PPFIA2: variants seen among roughly 807,000 people sequenced by gnomAD.
PPFIA2 encodes liprin-alpha-2.
A neutral mutation model predicts 175.5 loss-of-function variants in PPFIA2; 46 were observed. That is an observed-to-expected ratio of 0.26 (90% CI 0.21 to 0.34). The LOEUF (loss-of-function observed/expected upper bound fraction) is 0.34, where lower values mean the gene tolerates loss of function less well. Ranked by LOEUF, PPFIA2 falls within the 10% of genes least tolerant of loss-of-function variation. PPFIA2 has a pLI of 1.00. For missense variants in PPFIA2, 1,179 were observed against 1,506.1 expected (o/e 0.78, Z 3.60); for synonymous variants, 568 against 511.4 (o/e 1.11, Z -1.49).
chr12:81,718,529 T>C (rs1007465784), intron 3 of PPFIA2, among the ~76,000 whole-genome samples: 2 of 151,562 alleles, frequency 1.3e-5, no homozygotes, highest in Non-Finnish European at 3.0e-5. Flanking sequence ...AAGCACCAAG[T>C]GCTACAAGTA....
chr12:81,409,563 G>T (rs764706094), intron 7 of PPFIA2, among the ~76,000 whole-genome samples: 2 of 152,018 alleles, frequency 1.3e-5, no homozygotes, highest in Non-Finnish European at 2.9e-5. Context: ...ATGGGATAAG[G>T]CATCATAAAA....
intron 4 of PPFIA2, among the ~76,000 whole-genome samples, chr12:81,602,713 G>A (rs2059917188): frequency 6.6e-6 from 1 of 151,686 alleles, no homozygotes; most frequent in African/African-American, 2.4e-5. Context: ...TTGAGACCCT[G>A]GAGTAATGCG....
At chr12:81,404,003 C>T (rs1405506212) in intron 8 of PPFIA2, among the ~76,000 whole-genome samples, 2 of 152,148 alleles carry the variant, frequency 1.3e-5, no homozygotes, top group Non-Finnish European at 2.9e-5. Flanking sequence ...TTGCCTTGGT[C>T]TCTCCCTTTG....
chr12:81,337,443 T>A (rs1413093154), intron 21 of PPFIA2, among the ~76,000 whole-genome samples: 1 of 152,152 alleles, frequency 6.6e-6, no homozygotes, highest in Non-Finnish European at 1.5e-5. Context: ...TTAATTCTTA[T>A]CTGCTCTGAC....
At chr12:81,567,657 T>C (rs1301262155) in intron 4 of PPFIA2, among the ~76,000 whole-genome samples, 2 of 152,224 alleles carry the variant, frequency 1.3e-5, no homozygotes, top group African/African-American at 4.8e-5. Flanking sequence ...GTGAACTTCC[T>C]GGTTGATGAT....
chr12:81,384,048 G>T lies in PPFIA2; in HGVS notation c.959C>A (p.Thr320Asn), dbSNP rs747845363. 2 of 1,612,256 alleles carry T rather than the reference G, an allele frequency of 1.2e-6. No individual in the cohort carries two copies. Among genetic ancestry groups the T allele is most frequent in the East Asian group, 2.2e-5 (1 of 44,738 alleles). The change falls in exon 9 of 33, where the codon ACC (threonine) becomes AAC (asparagine). Residue 320 changes from threonine to asparagine, a missense_variant. By Grantham distance (65) the Thr-to-Asn change is moderately conservative. Around this residue, in one of 10 missense-constraint regions of PPFIA2, gnomAD observed 226 missense variants for 216.6 expected, o/e 1.04. Transcript: ENST00000549396. ...CTCCCTAATGTCCCTTTGATACTTG[G>T]TGTTCATTTCTTCTGTTTTAATGAG... ...KDLIKTEEMNTKYQRDIREAM... is the reference protein window; with the variant it reads ...KDLIKTEEMNNKYQRDIREAM...
chr12:81,566,833 C>T (rs2071424206), intron 4 of PPFIA2, among the ~76,000 whole-genome samples: 1 of 152,156 alleles, frequency 6.6e-6, no homozygotes, highest in Non-Finnish European at 1.5e-5. Context: ...CCACTTACTA[C>T]ATACACTTTC....
intron 4 of PPFIA2, among the ~76,000 whole-genome samples, chr12:81,510,666 T>A (rs1480604286): frequency 6.6e-6 from 1 of 152,090 alleles, no homozygotes; most frequent in Non-Finnish European, 1.5e-5. Context: ...AACCCTGAGT[T>A]AAGAATAACC....
chr12:81,357,978 T>C, intron 16 of PPFIA2, 104 bp downstream of exon 16: 1 of 1,188,340 alleles, frequency 8.4e-7, no homozygotes, highest in Middle Eastern at 2.7e-4. Context: ...TTCAAATTAA[T>C]AAAAATGCTA....
At chr12:81,297,389 C>T (rs75470064) in intron 23 of PPFIA2, among the ~76,000 whole-genome samples, 6,506 of 151,936 alleles carry the variant, frequency 0.043, 270 homozygotes, top group African/African-American at 0.091. Context: ...TATTAAAAGA[C>T]TATTTGTCTC....
rs2065253887 is a variant in PPFIA2, at chr12:81,535,573, A to G, written c.304-77707T>C. 3 of 410,032 alleles carry G rather than the reference A, an allele frequency of 7.3e-6. No homozygotes were observed. In the Admixed American group the frequency reaches 8.2e-5, roughly 11 times the overall value. 25.4% of individuals were successfully genotyped at this position (410,032 alleles called of 1,614,324 possible). ...TACATACATTTCTCTGTCCTTCTAG[A>G]TACTACCTTGGCAAGGGAGGAAGGA... is the stretch of plus-strand genomic sequence containing the variant. On this transcript the variant is annotated intron_variant, in intron 4 of 32. Coordinates refer to ENST00000549396, the MANE Select transcript of PPFIA2 (RefSeq NM_003625.5).
intron 4 of PPFIA2, among the ~76,000 whole-genome samples, chr12:81,476,079 T>G (rs2057444238): frequency 6.6e-6 from 1 of 152,240 alleles, no homozygotes; most frequent in Non-Finnish European, 1.5e-5. Flanking sequence ...TCTATGTCTT[T>G]CAGAGTGAAG....
intron 4 of PPFIA2, among the ~76,000 whole-genome samples, chr12:81,574,853 C>A (rs1418007901): frequency 1.3e-5 from 2 of 151,756 alleles, no homozygotes; most frequent in African/African-American, 4.8e-5. Flanking sequence ...CTGCTGTATG[C>A]CTTTGTGTTA....
intron 3 of PPFIA2, among the ~76,000 whole-genome samples, chr12:81,707,234 A>G (rs2153609886): frequency 6.6e-6 from 1 of 152,186 alleles, no homozygotes; most frequent in South Asian, 2.1e-4. Flanking sequence ...GTGAACAGGC[A>G]ACCCACAAAA....
At chr12:81,730,088 T>C (rs2080660836) in intron 3 of PPFIA2, among the ~76,000 whole-genome samples, 1 of 151,590 alleles carries the variant, frequency 6.6e-6, no homozygotes, top group Admixed American at 6.6e-5. Context: ...ATAATAAATG[T>C]GTTAAGCCAC....
intron 4 of PPFIA2, among the ~76,000 whole-genome samples, chr12:81,541,151 T>C (rs1207331814): frequency 2.0e-5 from 3 of 152,154 alleles, no homozygotes; most frequent in Admixed American, 2.0e-4. Context: ...ATACATGTTG[T>C]TAAATAGTCT....
At chr12:81,309,290 G>A (rs1266705835) in intron 22 of PPFIA2, among the ~76,000 whole-genome samples, 1 of 151,962 alleles carries the variant, frequency 6.6e-6, no homozygotes, top group South Asian at 2.1e-4. Context: ...TTGAAATTCT[G>A]GTCAGCAAAT....
chr12:81,407,781 T>G (rs538854946), intron 7 of PPFIA2, among the ~76,000 whole-genome samples: 2 of 152,298 alleles, frequency 1.3e-5, no homozygotes, highest in East Asian at 3.9e-4. Context: ...GAGATACAAC[T>G]CCTCAGAGTG....
At chr12:81,592,886 G>A (rs994192583) in intron 4 of PPFIA2, among the ~76,000 whole-genome samples, 1 of 151,640 alleles carries the variant, frequency 6.6e-6, no homozygotes, top group African/African-American at 2.4e-5. Flanking sequence ...CTCCCAAGTA[G>A]CTTTGACCAC....
Sources: allele counts gnomAD v4.1 joint callset (sites outside exome capture counted in the v4.1 genomes callset), GRCh38; gene constraint gnomAD v4.1.1; regional missense constraint gnomAD v4.1.1; transcripts MANE v1.5; gene names NCBI Gene and HGNC (gene_info 2026-07-23, HGNC 2026-07-21).